EVA1A: variants seen among roughly 807,000 people sequenced by gnomAD.
The protein encoded by EVA1A is eva-1 homolog A, regulator of programmed cell death, also known as protein eva-1 homolog A.
In EVA1A, 7 loss-of-function variants were observed where a neutral mutation model predicts 9.8. The ratio of observed to expected loss-of-function variants is 0.71; its 90% CI spans 0.41 to 1.34. EVA1A has a LOEUF of 1.34. Among genes scored for constraint, EVA1A ranks in the 40% most tolerant of loss-of-function variants. EVA1A has a pLI of 0.01. For missense variants in EVA1A, 206 were observed against 205.9 expected (o/e 1.00, Z 0.00); for synonymous variants, 90 against 85.6 (o/e 1.05, Z -0.28).
intron 1 of EVA1A, among the ~76,000 whole-genome samples, chr2:75,567,735 T>A (rs1677053936): frequency 6.6e-6 from 1 of 152,238 alleles, no homozygotes; most frequent in African/African-American, 2.4e-5. Context: ...TGGATGGCAA[T>A]GTGTTCATGT....
intron 1 of EVA1A, among the ~76,000 whole-genome samples, chr2:75,543,905 C>T (rs1156247954): frequency 1.3e-5 from 2 of 152,196 alleles, no homozygotes; most frequent in African/African-American, 2.4e-5. Flanking sequence ...ACACCTTATT[C>T]TAACACAATG....
intron 3 of EVA1A, among the ~76,000 whole-genome samples, chr2:75,500,035 C>A (rs1439793552): frequency 1.3e-5 from 2 of 152,186 alleles, no homozygotes; most frequent in African/African-American, 4.8e-5. Flanking sequence ...TTCTACACCA[C>A]CCATTGCTTC....
At chr2:75,534,210 G>A (rs1014074140) in intron 1 of EVA1A, among the ~76,000 whole-genome samples, 3 of 152,074 alleles carry the variant, frequency 2.0e-5, no homozygotes, top group African/African-American at 7.2e-5. Context: ...CGGTACTCCA[G>A]CTTGGGCAAC....
chr2:75,513,468 C>G (rs1020063263), intron 3 of EVA1A, among the ~76,000 whole-genome samples: 9 of 152,076 alleles, frequency 5.9e-5, no homozygotes, highest in African/African-American at 2.2e-4. Flanking sequence ...TCTATGTATT[C>G]AACATTTTTT....
intron 2 of EVA1A, among the ~76,000 whole-genome samples, chr2:75,519,608 G>A (rs776203292): frequency 1.3e-5 from 2 of 152,114 alleles, no homozygotes; most frequent in Non-Finnish European, 2.9e-5. Context: ...CCCTTGAGCC[G>A]CTGAGCCAGA....
chr2:75,511,667 T>A (rs1268354296), intron 3 of EVA1A, among the ~76,000 whole-genome samples: 2 of 152,124 alleles, frequency 1.3e-5, no homozygotes, highest in African/African-American at 4.8e-5. Flanking sequence ...GGGAACTGGA[T>A]GGAGGAAGCA....
At chr2:75,517,571 C>A (rs1339943836) in intron 3 of EVA1A, among the ~76,000 whole-genome samples, 3 of 152,154 alleles carry the variant, frequency 2.0e-5, no homozygotes, top group African/African-American at 7.2e-5. Context: ...CTTCCATACT[C>A]CGCATGCCTT....
intron 1 of EVA1A, among the ~76,000 whole-genome samples, chr2:75,528,978 A>G (rs1675550859): frequency 6.6e-6 from 1 of 152,232 alleles, no homozygotes. Context: ...TGACAACTTC[A>G]CTATAAGCAT....
intron 1 of EVA1A, among the ~76,000 whole-genome samples, chr2:75,549,580 C>T (rs1676455449): frequency 6.6e-6 from 1 of 152,158 alleles, no homozygotes; most frequent in Non-Finnish European, 1.5e-5. Flanking sequence ...TCCTTCCTTG[C>T]CTCCTACAGT....
chr2:75,554,171 G>A (rs1676621056), intron 1 of EVA1A, among the ~76,000 whole-genome samples: 1 of 152,158 alleles, frequency 6.6e-6, no homozygotes, highest in South Asian at 2.1e-4. Context: ...GCTACCACCA[G>A]CCCCATCTGA....
At chr2:75,534,955 C>G (rs1199868598) in intron 1 of EVA1A, among the ~76,000 whole-genome samples, 1 of 152,094 alleles carries the variant, frequency 6.6e-6, no homozygotes, top group Non-Finnish European at 1.5e-5. Context: ...CAGTTTAATT[C>G]TTCTACATGT....
intron 1 of EVA1A, among the ~76,000 whole-genome samples, chr2:75,535,952 C>T (rs1000562806): frequency 6.6e-6 from 1 of 152,154 alleles, no homozygotes; most frequent in Non-Finnish European, 1.5e-5. Context: ...TTAAAAAAAA[C>T]CATGTCCCAA....
At chr2:75,522,304 T>TC in intron 2 of EVA1A, 61 bp downstream of exon 2, 1 of 152,200 alleles carries the variant, frequency 6.6e-6, no homozygotes, top group East Asian at 1.9e-4. Flanking sequence ...GAGTGTCCCC[T>TC]GGTATGTCAC....
At chr2:75,557,842 G>A (rs1179928528) in intron 1 of EVA1A, among the ~76,000 whole-genome samples, 1 of 152,244 alleles carries the variant, frequency 6.6e-6, no homozygotes, top group Non-Finnish European at 1.5e-5. Context: ...TAAAAATAAT[G>A]GCATAGTCTT....
intron 1 of EVA1A, among the ~76,000 whole-genome samples, chr2:75,552,676 G>C (rs1338576889): frequency 6.6e-6 from 1 of 152,098 alleles, no homozygotes; most frequent in Non-Finnish European, 1.5e-5. Context: ...ATACTTCATT[G>C]TATGTAACCC....
chr2:75,545,422 G>A (rs112792354), intron 1 of EVA1A, among the ~76,000 whole-genome samples: 6 of 152,316 alleles, frequency 3.9e-5, no homozygotes, highest in African/African-American at 9.6e-5. Context: ...TTGCTTTCCC[G>A]ATGAGAACCA....
chr2:75,499,971 C>A (rs1460882889), intron 3 of EVA1A, among the ~76,000 whole-genome samples: 2 of 152,170 alleles, frequency 1.3e-5, no homozygotes, highest in Non-Finnish European at 2.9e-5. Flanking sequence ...TTGTTCTTTC[C>A]TATATTGGAT....
chr2:75,516,961 G>T (rs979329212), intron 3 of EVA1A, among the ~76,000 whole-genome samples: 1 of 152,140 alleles, frequency 6.6e-6, no homozygotes, highest in African/African-American at 2.4e-5. Flanking sequence ...CGGGGAAGAG[G>T]AGCTGACTGG....
At chr2:75,561,115 G>C (rs1371192808), upstream of EVA1A, 3 of 152,188 alleles carry the variant, frequency 2.0e-5, no homozygotes, top group African/African-American at 7.2e-5. Context: ...CGCCAAGTTA[G>C]TTCACGCTCC....
Sources: allele counts gnomAD v4.1 joint callset (sites outside exome capture counted in the v4.1 genomes callset), GRCh38; gene constraint gnomAD v4.1.1; transcripts MANE v1.5; gene names NCBI Gene and HGNC (gene_info 2026-07-23, HGNC 2026-07-21).